The following WWOX variants were observed in gnomAD, a reference collection of about 807,000 sequenced individuals.
WWOX encodes WW domain-containing oxidoreductase.
WWOX carries 69 observed loss-of-function variants against 46.2 expected under a neutral mutation model. That is an observed-to-expected ratio of 1.49 (90% CI 1.23 to 1.82). The LOEUF (loss-of-function observed/expected upper bound fraction) is 1.82. Among genes scored for constraint, WWOX ranks in the 40% most tolerant of loss-of-function variants. The pLI is 0.00. For missense variants in WWOX, 919 were observed against 542.6 expected (o/e 1.69, Z -6.89); for synonymous variants, 359 against 202.6 (o/e 1.77, Z -6.56).
chr16:78,756,457 G>A (rs2049649424), intron 8 of WWOX, among the ~76,000 whole-genome samples: 1 of 152,154 alleles, frequency 6.6e-6, no homozygotes, highest in Non-Finnish European at 1.5e-5. Flanking sequence ...TCCAGAAAAA[G>A]ATTGATTAGG....
chr16:78,655,805 C>G (rs1355380532), intron 8 of WWOX, among the ~76,000 whole-genome samples: 3 of 152,116 alleles, frequency 2.0e-5, no homozygotes, highest in Non-Finnish European at 4.4e-5. Context: ...GATTTGAAGC[C>G]TTATTTAGAA....
chr16:78,866,030 C>T (rs557125292), intron 8 of WWOX, among the ~76,000 whole-genome samples: 49 of 152,276 alleles, frequency 3.2e-4, no homozygotes, highest in African/African-American at 9.6e-4. Flanking sequence ...TCACAGCATC[C>T]GTGAGTCATA....
intron 4 of WWOX, among the ~76,000 whole-genome samples, chr16:78,128,461 G>T (rs2151693051): frequency 6.6e-6 from 1 of 152,300 alleles, no homozygotes; most frequent in East Asian, 1.9e-4. Flanking sequence ...TTACACAGGT[G>T]GAAATGTTGC....
At chr16:78,488,461 T>A (rs528998507) in intron 8 of WWOX, among the ~76,000 whole-genome samples, 1 of 152,242 alleles carries the variant, frequency 6.6e-6, no homozygotes, top group East Asian at 1.9e-4. Context: ...GATTGGCTCT[T>A]CCTGAGATTC....
At chr16:78,476,349 T>C (rs1962534) in intron 8 of WWOX, among the ~76,000 whole-genome samples, 56,794 of 152,060 alleles carry the variant, frequency 0.37, 14,902 homozygotes, top group African/African-American at 0.76. Flanking sequence ...AGCAAACTGT[T>C]GCAAGGACAA....
intron 8 of WWOX, among the ~76,000 whole-genome samples, chr16:78,747,699 G>C (rs758012125): frequency 6.6e-6 from 1 of 152,042 alleles, no homozygotes; most frequent in African/African-American, 2.4e-5. Flanking sequence ...TTGTTTCCTC[G>C]ATTACTGTCT....
rs761214488 is a variant in WWOX, at chr16:78,795,608, C to T, written c.1056+362856C>T. Among the ~76,000 whole-genome samples, 9 of 152,290 alleles carry T rather than the reference C, an allele frequency of 5.9e-5. 1 individual carries two copies. The highest frequency in any genetic ancestry group is 9.6e-5 in the African/African-American group (4 of 41,542). ...GGGACAGTGCTTTCTTGGAGCACCA[C>T]GCCTCACTAATGGAACACTCATGTA... On this transcript the variant is annotated intron_variant, in intron 8 of 8. Transcript: ENST00000566780.
chr16:78,509,488 C>T (rs951581898), intron 8 of WWOX, among the ~76,000 whole-genome samples: 7 of 151,940 alleles, frequency 4.6e-5, no homozygotes, highest in Admixed American at 6.6e-5. Flanking sequence ...CTCAATACTC[C>T]GTAGCCATTT....
At chr16:78,999,233 G>A (rs56355302) in intron 8 of WWOX, among the ~76,000 whole-genome samples, 3,886 of 152,052 alleles carry the variant, frequency 0.026, 65 homozygotes, top group Middle Eastern at 0.048. Context: ...CACTTTGGGA[G>A]GCCAATGCAG....
intron 8 of WWOX, among the ~76,000 whole-genome samples, chr16:78,776,755 C>T (rs956302399): frequency 3.9e-5 from 6 of 152,046 alleles, no homozygotes; most frequent in Non-Finnish European, 8.8e-5. Flanking sequence ...AGCTAGTGCA[C>T]CTTACATGGC....
At chr16:78,430,710 A>G (rs1057249100) in intron 7 of WWOX, among the ~76,000 whole-genome samples, 1 of 152,172 alleles carries the variant, frequency 6.6e-6, no homozygotes. Context: ...ATTCGTTTCA[A>G]GGTCTCATTT....
chr16:78,135,859 G>A (rs777359813), intron 4 of WWOX, among the ~76,000 whole-genome samples: 5 of 152,148 alleles, frequency 3.3e-5, no homozygotes, highest in Non-Finnish European at 7.3e-5. Context: ...CTTTTGAGAC[G>A]TCTAGAATAG....
chr16:78,689,865 T>G (rs79455578), intron 8 of WWOX, among the ~76,000 whole-genome samples: 5 of 152,046 alleles, frequency 3.3e-5, no homozygotes, highest in Admixed American at 1.3e-4. Context: ...TTGTTTTTTT[T>G]GTGTGTTTTT....
intron 8 of WWOX, among the ~76,000 whole-genome samples, chr16:78,603,048 G>T (rs76993672): frequency 0.016 from 2,448 of 152,246 alleles, 50 homozygotes; most frequent in East Asian, 0.068. Flanking sequence ...ATTGTGAACG[G>T]GGTGGAGGTG....
At chr16:78,389,835 C>G in intron 6 of WWOX, among the ~76,000 whole-genome samples, 1 of 152,178 alleles carries the variant, frequency 6.6e-6, no homozygotes, top group East Asian at 1.9e-4. Context: ...ATTGCAACCT[C>G]TGGCCTTGGG....
chr16:79,010,990 G>T (rs561027790), intron 8 of WWOX, among the ~76,000 whole-genome samples: 2 of 152,202 alleles, frequency 1.3e-5, no homozygotes, highest in South Asian at 4.2e-4. Flanking sequence ...CTGAGTAGAG[G>T]AGTAGCACGA....
intron 8 of WWOX, among the ~76,000 whole-genome samples, chr16:78,699,475 G>C (rs1183389252): frequency 6.6e-6 from 1 of 152,144 alleles, no homozygotes; most frequent in Middle Eastern, 3.2e-3. Context: ...GGAGGCAGAG[G>C]TTGCAGTGAG....
chr16:78,626,928 C>T (rs1325300166), intron 8 of WWOX, among the ~76,000 whole-genome samples: 3 of 152,120 alleles, frequency 2.0e-5, no homozygotes, highest in African/African-American at 7.2e-5. Context: ...TCAAAAGTTG[C>T]TGCTGTTGGC....
intron 8 of WWOX, among the ~76,000 whole-genome samples, chr16:78,957,396 T>G (rs909802533): frequency 6.6e-6 from 1 of 152,204 alleles, no homozygotes; most frequent in African/African-American, 2.4e-5. Context: ...TCTTTAGTTG[T>G]AAAAACACCC....
Sources: gnomAD v4.1 joint callset for allele counts (sites outside exome capture counted in the v4.1 genomes callset) on GRCh38, gnomAD v4.1.1 for gene constraint, MANE v1.5 for transcripts, NCBI Gene and HGNC (gene_info 2026-07-23, HGNC 2026-07-21) for gene names.